Variants in GYPB observed in about 807,000 individuals in gnomAD.
The protein encoded by GYPB is glycophorin-B.
A neutral mutation model predicts 15.3 loss-of-function variants in GYPB; 13 were observed. The observed-to-expected ratio is 0.85, with a 90% CI of 0.55 to 1.35. GYPB has a LOEUF of 1.35. Ranked by LOEUF, GYPB falls within the 40% of genes most tolerant of loss-of-function variation. GYPB has a pLI of 0.00. For synonymous variants in GYPB, 38 were observed against 36.9 expected, an observed-to-expected ratio of 1.03 and a Z score of -0.11; for missense variants, 131 against 108.3, an observed-to-expected ratio of 1.21 and a Z score of -0.93.
rs183194275 is a variant in GYPB at position 144,011,736 on chromosome 4, A to G, written c.37+7515T>C. Among the ~76,000 whole-genome samples, 768 of 151,498 alleles carry G rather than the reference A, an allele frequency of 5.1e-3. 4 individuals are homozygous for G. Among genetic ancestry groups the G allele is most frequent in the Non-Finnish European group, 8.3e-3 (565 of 68,046 alleles). ...TATATGATTTTTTGCTAACGAATCA[A>G]TAAGGACAGATTTTATTAGGCATTC... On this transcript the variant is annotated intron_variant, in intron 1 of 4. Coordinates refer to ENST00000502664, the MANE Select transcript of GYPB (RefSeq NM_002100.6).
intron 1 of GYPB, among the ~76,000 whole-genome samples, chr4:144,011,555 T>A (rs1728222179): frequency 6.6e-6 from 1 of 151,140 alleles, no homozygotes; most frequent in South Asian, 2.1e-4. Flanking sequence ...CCCAATAATA[T>A]AGCAACGAGA....
intron 1 of GYPB, among the ~76,000 whole-genome samples, chr4:144,005,187 T>C (rs1727841750): frequency 6.6e-6 from 1 of 151,960 alleles, no homozygotes; most frequent in South Asian, 2.1e-4. Flanking sequence ...AATTGCCGAC[T>C]TTACAGATAG....
rs1727605090 is a variant in GYPB at position 144,001,232 on chromosome 4, G to C, written c.89C>G (p.Ser30Ter). 6.2e-7 allele frequency: 1 copy of C among 1,612,954 alleles called. No individual in the cohort carries two copies. The highest frequency in any genetic ancestry group is 8.5e-7 in the Non-Finnish European group (1 of 1,179,816). ...ACTCTTTGTGACTGAAGAAGAGGTT[G>C]AAGTGTGCATTGCCACCTCAGTGGT... ...LSTTEVAMHTSTSSSVTKSYI... is the reference protein window; with the variant it reads ...LSTTEVAMHT Residue 30 changes from serine (S) to a stop codon, truncating the protein, a stop_gained, in exon 2 of 5, where the codon TCA becomes TGA. Transcript: ENST00000502664. LOFTEE classifies it high-confidence loss of function.
intron 1 of GYPB, among the ~76,000 whole-genome samples, chr4:144,003,923 C>G (rs1727746452): frequency 6.6e-6 from 1 of 151,454 alleles, no homozygotes; most frequent in Non-Finnish European, 1.5e-5. Context: ...TCCACTCTGG[C>G]TTTTAACAAG....
chr4:144,016,043 A>G (rs115196666), intron 1 of GYPB, among the ~76,000 whole-genome samples: 3,158 of 144,908 alleles, frequency 0.022, 50 homozygotes, highest in Middle Eastern at 0.033. Flanking sequence ...TGGCTTTTCA[A>G]GAATTTATAG....
Position 144,009,318 on chromosome 4 carries a change from A to G in GYPB, c.38-8035T>C, listed in dbSNP as rs541730887. ...TTTAGTCTAAAACTTAAGTTTTTCA[A>G]ATTGTCTGTTGAGATCCCTTAGCAC... On this transcript the variant is annotated intron_variant, in intron 1 of 4. Transcript: ENST00000502664. Among the ~76,000 whole-genome samples, 72 of 151,248 alleles carry G rather than the reference A, an allele frequency of 4.8e-4. 1 individual carries two copies. Among genetic ancestry groups the G allele is most frequent in the African/African-American group, 1.5e-3 (62 of 40,616 alleles).
chr4:144,014,470 A>C (rs1195610361), intron 1 of GYPB, among the ~76,000 whole-genome samples: 1 of 151,726 alleles, frequency 6.6e-6, no homozygotes, highest in Non-Finnish European at 1.5e-5. Flanking sequence ...AAAAGGAATG[A>C]AATACTGATA....
chr4:143,998,241 C>A lies in GYPB; in HGVS notation c.176-607G>T, dbSNP rs2667308. Among the ~76,000 whole-genome samples, 48 of 151,388 alleles carry A rather than the reference C, an allele frequency of 3.2e-4. No individual in the cohort carries two copies. In the East Asian group the frequency reaches 6.2e-3, roughly 19 times the overall value. On this transcript the variant is annotated intron_variant, in intron 3 of 4. Coordinates refer to ENST00000502664, the MANE Select transcript of GYPB (RefSeq NM_002100.6). ...GCATAGTCTCCAATATAGTCACTAA[C>A]AATGCTTGTTAAGTCATTTATATGT...
intron 1 of GYPB, among the ~76,000 whole-genome samples, chr4:144,011,152 A>G (rs1038242007): frequency 2.1e-5 from 2 of 94,172 alleles, no homozygotes; most frequent in African/African-American, 3.9e-5. Context: ...AGGCTGAGGC[A>G]GGTGGATTGC....
intron 1 of GYPB, among the ~76,000 whole-genome samples, chr4:144,018,645 T>A (rs1728628380): frequency 6.6e-6 from 1 of 151,420 alleles, no homozygotes. Context: ...TTAATACAAT[T>A]TAATAATGAC....
chr4:143,999,387 A>C (rs1273624066), intron 3 of GYPB, 24 bp downstream of exon 3: 8 of 1,377,694 alleles, frequency 5.8e-6, no homozygotes, highest in African/African-American at 1.5e-5. Context: ...AATGACTTTT[A>C]TTCTTTGTCA....
At position 143,997,836 on chromosome 4, in the gene GYPB, T is replaced by G. The variant is rs147949187; in HGVS notation, c.176-202A>C. The stretch of plus-strand genomic sequence containing the variant: ...GAAACTGGGACTGTGAGTGATCAAG[T>G]CTTTTGTCCAAGGTCGCAAAATAGT... On this transcript the variant is annotated intron_variant, in intron 3 of 4. Transcript: ENST00000502664. 6.9e-3 allele frequency among the ~76,000 whole-genome samples: 1,050 copies of G among 151,470 alleles called. 60 individuals carry two copies. Among genetic ancestry groups the G allele is most frequent in the African/African-American group, 0.024 (995 of 40,752 alleles).
chr4:143,999,489 A>G lies in GYPB; in HGVS notation c.137-40T>C, dbSNP rs767596254. 9.2e-5 allele frequency: 99 copies of G among 1,071,154 alleles called. No homozygotes were observed. The Admixed American group carries it at 1.7e-3, about 18-fold the overall frequency. 66.4% of individuals were successfully genotyped at this position (1,071,154 alleles called of 1,614,324 possible). A position where few individuals can be genotyped will look rare whatever the true frequency, so the allele number is the denominator to read the frequency against. ...TTCAATGTAAGTCCAAATAAGAAAG[A>G]CATGTGCAAAGAAAAAAATCATTTT... is the stretch of plus-strand genomic sequence containing the variant. On this transcript the variant is annotated intron_variant, in intron 2 of 4. Transcript: ENST00000502664.
chr4:144,009,738 C>G (rs1728118287), intron 1 of GYPB, among the ~76,000 whole-genome samples: 1 of 145,992 alleles, frequency 6.8e-6, no homozygotes, highest in South Asian at 2.2e-4. Context: ...CTCAGCCTCC[C>G]AAGTAGCTGG....
At chr4:144,014,559 A>G (rs1728393822) in intron 1 of GYPB, among the ~76,000 whole-genome samples, 1 of 151,484 alleles carries the variant, frequency 6.6e-6, no homozygotes, top group South Asian at 2.1e-4. Context: ...GATTCCATTT[A>G]TATGAAATAT....
intron 1 of GYPB, among the ~76,000 whole-genome samples, chr4:144,006,055 T>C (rs567416516): frequency 6.6e-6 from 1 of 151,692 alleles, no homozygotes; most frequent in East Asian, 1.9e-4. Context: ...CAAAGGTATG[T>C]TTTGTCATAT....
intron 1 of GYPB, among the ~76,000 whole-genome samples, chr4:144,015,095 A>C (rs1728422297): frequency 6.6e-6 from 1 of 151,488 alleles, no homozygotes; most frequent in African/African-American, 2.5e-5. Flanking sequence ...TGACCAACGT[A>C]CAAAAATTAA....
chr4:144,012,413 T>C (rs1159390597), intron 1 of GYPB: 2 of 151,542 alleles, frequency 1.3e-5, no homozygotes, highest in Non-Finnish European at 2.9e-5. Context: ...CTCTACCTTA[T>C]AGAATTATTG....
In GYPB at chr4:144,017,604, G is replaced by C. The variant is rs906014519; in HGVS notation, c.37+1647C>G. ...CTTTAATTCACTATCTGCTTGTGTAGTTGTAGAAATTTAAAAAAAAAATCA... is the reference window on the plus strand; with the variant it reads ...CTTTAATTCACTATCTGCTTGTGTACTTGTAGAAATTTAAAAAAAAAATCA... On this transcript the variant is annotated intron_variant, in intron 1 of 4. Transcript: ENST00000502664. Among the ~76,000 whole-genome samples the C allele has an allele frequency of 7.3e-5, 11 of 150,966 alleles. 2 individuals carry two copies. Among genetic ancestry groups the C allele is most frequent in the African/African-American group, 2.7e-4 (11 of 40,448 alleles).
Sources: allele counts gnomAD v4.1 joint callset (sites outside exome capture counted in the v4.1 genomes callset), GRCh38; gene constraint gnomAD v4.1.1; transcripts MANE v1.5; gene names NCBI Gene and HGNC (gene_info 2026-07-23, HGNC 2026-07-21).